KCNJ4: variants seen among roughly 807,000 people sequenced by gnomAD.
The protein encoded by KCNJ4 is inward rectifier potassium channel 4.
Under a neutral mutation model 25.6 loss-of-function variants are expected in KCNJ4, and 3 were observed. The observed-to-expected ratio is 0.12, with a 90% CI of 0.05 to 0.30. The LOEUF (loss-of-function observed/expected upper bound fraction) is 0.30. Ranked by LOEUF, KCNJ4 falls within the 10% of genes least tolerant of loss-of-function variation. The pLI is 1.00. For synonymous variants in KCNJ4, 257 were observed against 283.9 expected, an observed-to-expected ratio of 0.91 and a Z score of 0.95; for missense variants, 286 against 666.8, an observed-to-expected ratio of 0.43 and a Z score of 6.29.
chr22:38,431,644 G>T (rs898479630), intron 1 of KCNJ4, among the ~76,000 whole-genome samples: 1 of 152,218 alleles, frequency 6.6e-6, no homozygotes, highest in Non-Finnish European at 1.5e-5. Flanking sequence ...AGCAGCCTCT[G>T]TGACATCCCA....
At chr22:38,452,094 A>G (rs532449469) in intron 1 of KCNJ4, among the ~76,000 whole-genome samples, 1 of 152,224 alleles carries the variant, frequency 6.6e-6, no homozygotes, top group Non-Finnish European at 1.5e-5. Context: ...GGCATGAGGC[A>G]TTGAAGCCAA....
At chr22:38,429,150 G>A (rs1392796860) in intron 1 of KCNJ4, among the ~76,000 whole-genome samples, 1 of 151,592 alleles carries the variant, frequency 6.6e-6, no homozygotes, top group African/African-American at 2.4e-5. Flanking sequence ...ACCTGGGTCT[G>A]AGCTCCTTTC....
In KCNJ4 at chr22:38,426,327, T is replaced by C. The variant is rs59210869; in HGVS notation, c.*468A>G. On this transcript the variant is annotated 3_prime_UTR_variant, in exon 2 of 2. Transcript: ENST00000303592. ...GCAGGTAAAAACGGCAGAAAGTGAA[T>C]TTGGTGTCTCCATCTGTCTCCATTT... The C allele has an allele frequency of 0.011, 1,663 of 155,116 alleles. 38 individuals carry two copies. Among genetic ancestry groups the C allele is most frequent in the African/African-American group, 0.038 (1,587 of 41,536 alleles). The allele number at this position is 155,116 out of a possible 1,614,324, so 9.6% of individuals were successfully genotyped here.
At chr22:38,454,323 G>C (rs1017762046) in intron 1 of KCNJ4, among the ~76,000 whole-genome samples, 1 of 152,138 alleles carries the variant, frequency 6.6e-6, no homozygotes, top group Non-Finnish European at 1.5e-5. Flanking sequence ...TGACACTGGT[G>C]GGGGGACATT....
intron 1 of KCNJ4, among the ~76,000 whole-genome samples, chr22:38,445,106 G>T (rs1369017874): frequency 6.6e-6 from 1 of 151,988 alleles, no homozygotes; most frequent in Admixed American, 6.6e-5. Flanking sequence ...TAAAGAGAAG[G>T]TCCTAGGAAG....
At position 38,443,482 on chromosome 22, in the gene KCNJ4, ATC is replaced by A. The variant is rs2089352032; in HGVS notation, c.-40+11496_-40+11497del. Among the ~76,000 whole-genome samples the A allele has an allele frequency of 6.6e-6, 1 of 151,994 alleles. No homozygotes were observed. The highest frequency in any genetic ancestry group is 1.5e-5 in the Non-Finnish European group (1 of 68,004). ...CGTCCTCCCCTCTCCTGCCTTCCCC[ATC>A]TCAGTCTGTGACTCCTCCCAGGAGG... On this transcript the variant is annotated intron_variant, in intron 1 of 1. Coordinates refer to ENST00000303592, the MANE Select transcript of KCNJ4 (RefSeq NM_152868.3). This position sits in a 1 kb window ranked among gnomAD's most constrained non-coding sequence, Gnocchi z 4.1.
intron 1 of KCNJ4, among the ~76,000 whole-genome samples, chr22:38,438,698 AG>A (rs2089310805): frequency 8.1e-6 from 1 of 123,276 alleles, no homozygotes; most frequent in Admixed American, 8.8e-5. Context: ...AAAAAAAAAA[AG>A]AAAAAAAGAA....
At chr22:38,436,099 C>T (rs993039846) in intron 1 of KCNJ4, among the ~76,000 whole-genome samples, 7 of 152,158 alleles carry the variant, frequency 4.6e-5, no homozygotes, top group African/African-American at 1.7e-4. Context: ...GCCCATGTGA[C>T]CTTATGCGAG....
chr22:38,446,245 T>C (rs1165070506), intron 1 of KCNJ4, among the ~76,000 whole-genome samples: 1 of 152,250 alleles, frequency 6.6e-6, no homozygotes, highest in Non-Finnish European at 1.5e-5. Flanking sequence ...TCCTCTAGCC[T>C]GTTGTCTCAG....
chr22:38,448,587 G>C (rs574696034), intron 1 of KCNJ4, among the ~76,000 whole-genome samples: 1 of 152,138 alleles, frequency 6.6e-6, no homozygotes, highest in African/African-American at 2.4e-5. Flanking sequence ...GACCCTGCTC[G>C]CCTCCCACAG....
intron 1 of KCNJ4, among the ~76,000 whole-genome samples, chr22:38,433,078 T>A (rs2093054953): frequency 6.6e-6 from 1 of 152,232 alleles, no homozygotes; most frequent in Non-Finnish European, 1.5e-5. Flanking sequence ...GCTTTTTAAA[T>A]GTTAATGTCT....
rs150693544 is a variant in KCNJ4, at chr22:38,427,560, C to G, written c.573G>C (p.Ala191=). 6.2e-7 allele frequency: 1 copy of G among 1,610,994 alleles called. No homozygotes were observed. ...GCTTGCCGTCGCGCACCGAAATGAC[C>G]GCGTGGTGGCTGAACAGCAACGTCT... ...RAQTLLFSHH[A]VISVRDGKLC... Residue 191 remains alanine, a synonymous_variant, in exon 2 of 2, where the codon GCG becomes GCC. Transcript: ENST00000303592.
At chr22:38,436,387 G>A (rs2093065490) in intron 1 of KCNJ4, among the ~76,000 whole-genome samples, 1 of 152,310 alleles carries the variant, frequency 6.6e-6, no homozygotes, top group African/African-American at 2.4e-5. Flanking sequence ...GAGCTGGTGG[G>A]CAAGAAGAGC....
At chr22:38,453,986 G>T (rs1344281691) in intron 1 of KCNJ4, among the ~76,000 whole-genome samples, 1 of 152,176 alleles carries the variant, frequency 6.6e-6, no homozygotes, top group African/African-American at 2.4e-5. Context: ...CAGGGCCACA[G>T]TGAGGCTCTT....
At chr22:38,433,777 A>G (rs2093057438) in intron 1 of KCNJ4, among the ~76,000 whole-genome samples, 1 of 152,024 alleles carries the variant, frequency 6.6e-6, no homozygotes, top group Non-Finnish European at 1.5e-5. Context: ...AGGCCTCACC[A>G]CTGACACCAG....
At chr22:38,430,916 G>A (rs1241085388) in intron 1 of KCNJ4, among the ~76,000 whole-genome samples, 1 of 152,220 alleles carries the variant, frequency 6.6e-6, no homozygotes, top group Admixed American at 6.5e-5. Context: ...AGCCAGGTGG[G>A]CCAGCCCTGA....
At chr22:38,430,387 C>G (rs2093046061) in intron 1 of KCNJ4, among the ~76,000 whole-genome samples, 1 of 152,122 alleles carries the variant, frequency 6.6e-6, no homozygotes, top group Non-Finnish European at 1.5e-5. Flanking sequence ...GCCTGTAATC[C>G]CAGCTACTGG....
chr22:38,451,318 AAAC>A (rs1377300996), intron 1 of KCNJ4, among the ~76,000 whole-genome samples: 2 of 152,074 alleles, frequency 1.3e-5, no homozygotes, highest in African/African-American at 2.4e-5. Flanking sequence ...CTATCTCACA[AAAC>A]AACCACAGCT....
intron 1 of KCNJ4, among the ~76,000 whole-genome samples, chr22:38,446,210 G>A (rs1042517241): frequency 1.1e-4 from 17 of 152,238 alleles, no homozygotes; most frequent in Admixed American, 5.2e-4. Flanking sequence ...GGCCCCGCCC[G>A]TGGCTGGCTG....
Sources: gnomAD v4.1 joint callset for allele counts (sites outside exome capture counted in the v4.1 genomes callset) on GRCh38, gnomAD v4.1.1 for gene constraint, Gnocchi (gnomAD v3.1) non-coding constraint, MANE v1.5 for transcripts, NCBI Gene and HGNC (gene_info 2026-07-23, HGNC 2026-07-21) for gene names.